The following RALB variants were observed in gnomAD, a reference collection of about 807,000 sequenced individuals.
The protein encoded by RALB is ras-related protein Ral-B.
RALB carries 16 observed loss-of-function variants against 21.3 expected under a neutral mutation model. The ratio of observed to expected loss-of-function variants is 0.75; its 90% CI spans 0.51 to 1.14. The LOEUF (loss-of-function observed/expected upper bound fraction) is 1.14. RALB is among the 50% of genes most tolerant of loss of function. The pLI, the probability that RALB is intolerant of heterozygous loss-of-function variation, is 0.00. For synonymous variants in RALB, 93 were observed against 96.1 expected, an observed-to-expected ratio of 0.97 and a Z score of 0.19; for missense variants, 161 against 256.2, an observed-to-expected ratio of 0.63 and a Z score of 2.54.
At chr2:120,280,555 C>T (rs1323019867) in intron 2 of RALB, among the ~76,000 whole-genome samples, 7 of 8,344 alleles carry the variant, frequency 8.4e-4, no homozygotes, top group Non-Finnish European at 9.3e-4. Context: ...TTTTGGGGGG[C>T]GGGGGGCAAG....
At chr2:120,277,698 T>TA (rs1689853292) in intron 1 of RALB, among the ~76,000 whole-genome samples, 1 of 151,688 alleles carries the variant, frequency 6.6e-6, no homozygotes, top group Non-Finnish European at 1.5e-5. Flanking sequence ...AAAGTGTGTA[T>TA]GTGGGTGTGT....
chr2:120,292,489 G>A (rs748721152), intron 4 of RALB, among the ~76,000 whole-genome samples: 1 of 152,180 alleles, frequency 6.6e-6, no homozygotes, highest in Non-Finnish European at 1.5e-5. Context: ...GAGCACCTGG[G>A]AGCAGGGACT....
At chr2:120,288,367 T>TTTTTA (rs1573358961) in intron 3 of RALB, among the ~76,000 whole-genome samples, 1 of 148,776 alleles carries the variant, frequency 6.7e-6, no homozygotes, top group Non-Finnish European at 1.5e-5. Flanking sequence ...TTTTTTTTTG[T>TTTTTA]AGATACAAGG....
chr2:120,289,999 TG>T (rs148783545), intron 4 of RALB, among the ~76,000 whole-genome samples: 18,085 of 152,200 alleles, frequency 0.12, 1,153 homozygotes, highest in African/African-American at 0.15. Flanking sequence ...ATGCTTAATG[TG>T]TTCTTTTGGG....
At chr2:120,258,628 C>T (rs149887539) in intron 1 of RALB, among the ~76,000 whole-genome samples, 3 of 152,212 alleles carry the variant, frequency 2.0e-5, no homozygotes, top group South Asian at 2.1e-4. Context: ...AATGAGGGGT[C>T]ACTTAGGAAG....
chr2:120,250,456 G>T (rs560220313), upstream of RALB, among the ~76,000 whole-genome samples: 31 of 152,316 alleles, frequency 2.0e-4, no homozygotes, highest in African/African-American at 7.5e-4. Flanking sequence ...CAAGTGATCG[G>T]TTAGAGCTAG....
chr2:120,244,336 TGA>T (rs1288501773), intron 1 of RALB, among the ~76,000 whole-genome samples: 1 of 151,926 alleles, frequency 6.6e-6, no homozygotes, highest in Admixed American at 6.5e-5. Context: ...CCGAGACACA[TGA>T]GGCAGCCTTG....
chr2:120,244,098 G>A (rs1156622530), intron 1 of RALB, among the ~76,000 whole-genome samples: 1 of 152,190 alleles, frequency 6.6e-6, no homozygotes, highest in Non-Finnish European at 1.5e-5. Flanking sequence ...AGAGAGAAAA[G>A]GGGGAAGAGC....
intron 1 of RALB, among the ~76,000 whole-genome samples, chr2:120,261,983 C>T (rs527561221): frequency 3.5e-4 from 54 of 152,196 alleles, no homozygotes; most frequent in African/African-American, 1.3e-3. Flanking sequence ...AAAGGGTTTT[C>T]GGAGAAGAGA....
At chr2:120,253,756 T>A (rs1403555220) in intron 1 of RALB, 8 of 974,720 alleles carry the variant, frequency 8.2e-6, no homozygotes, top group Non-Finnish European at 9.8e-6. Context: ...GAGAAGTGCT[T>A]GTGCCTGGCG....
intron 1 of RALB, among the ~76,000 whole-genome samples, chr2:120,255,738 T>C (rs2104580823): frequency 6.6e-6 from 1 of 152,330 alleles, no homozygotes; most frequent in Middle Eastern, 3.4e-3. Context: ...TTAAAAAAAG[T>C]AGCTGCTTAT....
At chr2:120,278,085 A>G (rs149027698) in intron 1 of RALB, among the ~76,000 whole-genome samples, 3 of 149,168 alleles carry the variant, frequency 2.0e-5, no homozygotes, top group African/African-American at 7.4e-5. Context: ...ATGTGTGTGA[A>G]TGTGGGCATG....
At chr2:120,241,070 C>T (rs538953025) in intron 1 of RALB, among the ~76,000 whole-genome samples, 86 of 152,270 alleles carry the variant, frequency 5.6e-4, no homozygotes, top group Admixed American at 3.8e-3. Context: ...AGCTGACGGA[C>T]GGGTTAACTT....
chr2:120,269,586 AC>A (rs1573338120), intron 1 of RALB, among the ~76,000 whole-genome samples: 1 of 152,204 alleles, frequency 6.6e-6, no homozygotes, highest in Non-Finnish European at 1.5e-5. Flanking sequence ...CTAGCCAGCC[AC>A]AGAGCGCTGA....
rs769286298 is a variant in RALB at position 120,286,034 on chromosome 2, T to C, written c.275T>C (p.Val92Ala). ...YFRSGEGFLL[V>A]FSITEHESFT... ...CGGAGTGGGGAAGGGTTTCTTCTTG[T>C]GTTCTCAATCACAGAACATGAATCC... Residue 92 changes from valine (V) to alanine (A), a missense_variant, in exon 3 of 5, where the codon GTG becomes GCG. Transcript: ENST00000272519. 1.2e-6 allele frequency: 2 copies of C among 1,614,030 alleles called. No individual in the cohort carries two copies. The highest frequency in any genetic ancestry group is 3.3e-5 in the Admixed American group (2 of 59,986).
intron 3 of RALB, among the ~76,000 whole-genome samples, chr2:120,286,975 C>T (rs1158506099): frequency 1.3e-5 from 1 of 76,228 alleles, no homozygotes; most frequent in Non-Finnish European, 2.9e-5. Flanking sequence ...ACCCCATGCC[C>T]TTCCCTTTCT....
chr2:120,263,750 G>A (rs1267346501), intron 1 of RALB, among the ~76,000 whole-genome samples: 1 of 152,124 alleles, frequency 6.6e-6, no homozygotes, highest in East Asian at 1.9e-4. Context: ...GGATGGTCTC[G>A]AACTCCTGAG....
chr2:120,293,485 T>C lies in RALB; in HGVS notation c.*225T>C. ...GTCAGGAGGTTGTGGAATTTCTTTC[T>C]TCTCCCCTTCTTCCCTCCCAAAAGC... On this transcript the variant is annotated 3_prime_UTR_variant, in exon 5 of 5. Coordinates refer to ENST00000272519, the MANE Select transcript of RALB (RefSeq NM_002881.3). The C allele has an allele frequency of 3.2e-6, 1 of 315,182 alleles. No homozygotes were observed. The highest frequency in any genetic ancestry group is 5.7e-6 in the Non-Finnish European group (1 of 176,348). The allele number at this position is 315,182 out of a possible 1,614,324, so 19.5% of individuals were successfully genotyped here. A position where few individuals can be genotyped will look rare whatever the true frequency, so the allele number is the denominator to read the frequency against.
rs556385917 is a variant in RALB at position 120,281,906 on chromosome 2, C to T, written c.114+3128C>T. On this transcript the variant is annotated intron_variant, in intron 2 of 4. Coordinates refer to ENST00000272519, the MANE Select transcript of RALB (RefSeq NM_002881.3). ...GGTGAGAGAGGGGGATTTTGCTTCC[C>T]CAGGGAATATTCGTAAGTGCCTGGA... Among the ~76,000 whole-genome samples the T allele has an allele frequency of 3.3e-5, 5 of 152,162 alleles. No homozygotes were observed. The South Asian group carries it at 6.2e-4, about 19-fold the overall frequency.
Sources: gnomAD v4.1 joint callset for allele counts (sites outside exome capture counted in the v4.1 genomes callset) on GRCh38, gnomAD v4.1.1 for gene constraint, MANE v1.5 for transcripts, NCBI Gene and HGNC (gene_info 2026-07-23, HGNC 2026-07-21) for gene names.